Variants in TMCO1 observed in about 807,000 individuals in gnomAD.
TMCO1 encodes calcium load-activated calcium channel.
Under a neutral mutation model 29.3 loss-of-function variants are expected in TMCO1, and 29 were observed. The observed-to-expected ratio is 0.99, with a 90% CI of 0.74 to 1.35. The LOEUF is 1.35. TMCO1 is among the 40% of genes most tolerant of loss of function. The probability of loss-of-function intolerance (pLI) is 0.00; values close to 1 mark genes in which losing one functional copy is unlikely to be tolerated. For missense variants in TMCO1, 173 were observed against 225.5 expected, an observed-to-expected ratio of 0.77 and a Z score of 1.49; for synonymous variants, 80 against 77.1, an observed-to-expected ratio of 1.04 and a Z score of -0.20.
chr1:165,744,660 C>A (rs914524497), intron 5 of TMCO1, among the ~76,000 whole-genome samples: 1 of 151,890 alleles, frequency 6.6e-6, no homozygotes, highest in African/African-American at 2.4e-5. Context: ...CATGGTGGCG[C>A]ATGCCTGTAA....
intron 5 of TMCO1, among the ~76,000 whole-genome samples, chr1:165,745,949 T>A (rs913469109): frequency 6.6e-6 from 1 of 152,072 alleles, no homozygotes; most frequent in Non-Finnish European, 1.5e-5. Context: ...TTTGCCAGTG[T>A]TCTGAATAAG....
chr1:165,745,573 G>A (rs556038031), intron 5 of TMCO1, among the ~76,000 whole-genome samples: 1 of 151,692 alleles, frequency 6.6e-6, no homozygotes, highest in South Asian at 2.1e-4. Context: ...CTTGAGCCCA[G>A]CAGGTTGAGG....
intron 6 of TMCO1, among the ~76,000 whole-genome samples, chr1:165,730,092 C>T (rs201327655): frequency 1.1e-4 from 16 of 148,238 alleles, no homozygotes; most frequent in Admixed American, 2.1e-4. Flanking sequence ...GAGGCCGAGG[C>T]GGGCGGATCA....
chr1:165,725,063 CATA>C (rs1553247815), downstream of TMCO1: 1 of 379,824 alleles, frequency 2.6e-6, no homozygotes, highest in Non-Finnish European at 4.9e-6. Flanking sequence ...AGTGTATATA[CATA>C]ATAGTATATT....
chr1:165,758,631 C>T (rs143108380), intron 3 of TMCO1, among the ~76,000 whole-genome samples: 1 of 152,174 alleles, frequency 6.6e-6, no homozygotes, highest in Non-Finnish European at 1.5e-5. Flanking sequence ...GCATAGTAAT[C>T]ATTTATTTTC....
chr1:165,756,718 G>A (rs574645983), intron 3 of TMCO1, among the ~76,000 whole-genome samples: 25 of 151,952 alleles, frequency 1.6e-4, no homozygotes, highest in Non-Finnish European at 2.5e-4. Flanking sequence ...TTGCTTCTCC[G>A]GAACACTGAA....
At chr1:165,725,030 A>ATG (rs1650809653), downstream of TMCO1, 1 of 161,820 alleles carries the variant, frequency 6.2e-6, no homozygotes, top group Non-Finnish European at 1.1e-5. Flanking sequence ...CTCTCTATAT[A>ATG]TATATATATA....
chr1:165,725,020 CTCTCTATA>C (rs761650821), downstream of TMCO1: 7,967 of 117,558 alleles, frequency 0.068, 168 homozygotes, highest in Non-Finnish European at 0.082. Flanking sequence ...CTCTCTCTCT[CTCTCTATA>C]TATATATATA....
intron 3 of TMCO1, among the ~76,000 whole-genome samples, chr1:165,758,442 C>A (rs995884596): frequency 6.6e-6 from 1 of 151,758 alleles, no homozygotes; most frequent in African/African-American, 2.4e-5. Context: ...TATAGTCCCA[C>A]CTACTCGTGA....
chr1:165,726,860 T>G lies in TMCO1; in HGVS notation c.*1163A>C, dbSNP rs1252131036. On this transcript the variant is annotated 3_prime_UTR_variant, in exon 7 of 7. Transcript: ENST00000367881. Reference sequence around the variant, plus strand: ...TGTACATAAAATTCTAAGTTGATACTTATTTTCCTCAGCACTTTGAAGATA... The same window carrying G: ...TGTACATAAAATTCTAAGTTGATACGTATTTTCCTCAGCACTTTGAAGATA... The G allele has an allele frequency of 4.4e-6, 2 of 453,780 alleles. No individual in the cohort carries two copies. Among genetic ancestry groups the G allele is most frequent in the African/African-American group, 4.0e-5 (2 of 49,988 alleles). 28.1% of individuals were successfully genotyped at this position (453,780 alleles called of 1,614,324 possible).
intron 6 of TMCO1, among the ~76,000 whole-genome samples, chr1:165,729,115 A>C (rs1018282600): frequency 1.7e-4 from 25 of 151,040 alleles, no homozygotes; most frequent in African/African-American, 6.1e-4. Context: ...AAAAAAAAAA[A>C]AAAAAAAAAA....
At chr1:165,743,056 G>A (rs1053857446) in intron 6 of TMCO1, 111 bp downstream of exon 6, 1 of 1,358,148 alleles carries the variant, frequency 7.4e-7, no homozygotes, top group South Asian at 1.2e-5. Context: ...ATGAGCAACT[G>A]AAAGAACTCA....
chr1:165,729,977 A>G (rs894477055), intron 6 of TMCO1, among the ~76,000 whole-genome samples: 2 of 151,978 alleles, frequency 1.3e-5, no homozygotes, highest in African/African-American at 2.4e-5. Flanking sequence ...ACAAGCATAC[A>G]CACCCTCAAT....
downstream of TMCO1, chr1:165,725,547 GC>G: frequency 2.2e-6 from 1 of 454,016 alleles, no homozygotes; most frequent in Non-Finnish European, 4.4e-6. Context: ...ATTAGTAATG[GC>G]TGTTTTTCTT....
At chr1:165,767,708 G>T (rs1652625744) in intron 2 of TMCO1, among the ~76,000 whole-genome samples, 1 of 151,914 alleles carries the variant, frequency 6.6e-6, no homozygotes, top group Non-Finnish European at 1.5e-5. Context: ...TTAAAGACAA[G>T]TCTCACTATT....
At chr1:165,751,903 AAG>A (rs1652005035) in intron 5 of TMCO1, among the ~76,000 whole-genome samples, 197 bp downstream of exon 5, 1 of 152,136 alleles carries the variant, frequency 6.6e-6, no homozygotes, top group South Asian at 2.1e-4. Context: ...AGAGAAAGAA[AAG>A]AGAGAAAAAG....
chr1:165,759,476 AT>A (rs775580213), intron 3 of TMCO1, 48 bp downstream of exon 3: 9 of 1,334,470 alleles, frequency 6.7e-6, no homozygotes, highest in Non-Finnish European at 9.6e-6. Flanking sequence ...CTAAGAATTA[AT>A]TTTTTTAAGA....
At chr1:165,725,022 C>CTATATA (rs1485769184), downstream of TMCO1, 2 of 98,268 alleles carry the variant, frequency 2.0e-5, no homozygotes, top group Non-Finnish European at 3.9e-5. Flanking sequence ...CTCTCTCTCT[C>CTATATA]TCTATATATA....
chr1:165,729,127 A>C (rs1324432317), intron 6 of TMCO1, among the ~76,000 whole-genome samples: 1 of 129,932 alleles, frequency 7.7e-6, no homozygotes, highest in Non-Finnish European at 1.7e-5. Flanking sequence ...AAAAAAAAAA[A>C]CCAGTTTCAA....
Sources: allele counts gnomAD v4.1 joint callset (sites outside exome capture counted in the v4.1 genomes callset), GRCh38; gene constraint gnomAD v4.1.1; transcripts MANE v1.5; gene names NCBI Gene and HGNC (gene_info 2026-07-23, HGNC 2026-07-21).